The following NEGR1 variants were observed in gnomAD, a reference collection of about 807,000 sequenced individuals.
NEGR1 encodes the protein neuronal growth regulator 1, also known as IgLON family member 4.
A neutral mutation model predicts 40.9 loss-of-function variants in NEGR1; 10 were observed. The ratio of observed to expected loss-of-function variants is 0.24; its 90% CI spans 0.15 to 0.42. NEGR1 has a LOEUF of 0.42. Among genes scored for constraint, NEGR1 ranks in the 10% least tolerant of loss-of-function variants. NEGR1 has a pLI of 1.00. For missense variants in NEGR1, 352 were observed against 438.9 expected, an observed-to-expected ratio of 0.80 and a Z score of 1.77; for synonymous variants, 185 against 166.8, an observed-to-expected ratio of 1.11 and a Z score of -0.84.
intron 2 of NEGR1, among the ~76,000 whole-genome samples, chr1:71,873,170 G>C (rs1439288497): frequency 1.4e-5 from 2 of 140,408 alleles, no homozygotes; most frequent in Non-Finnish European, 3.1e-5. Context: ...GTTTTTGTTT[G>C]ATTCTAATAG....
intron 2 of NEGR1, among the ~76,000 whole-genome samples, chr1:71,910,446 C>A (rs1216445003): frequency 6.6e-6 from 1 of 152,160 alleles, no homozygotes; most frequent in Non-Finnish European, 1.5e-5. Flanking sequence ...AGCAAACTAA[C>A]CCTGATTGAT....
At chr1:72,199,669 A>T (rs549306497) in intron 1 of NEGR1, among the ~76,000 whole-genome samples, 8 of 152,122 alleles carry the variant, frequency 5.3e-5, no homozygotes, top group Admixed American at 3.3e-4. Context: ...AATCTATGAA[A>T]TTGCAATATG....
chr1:71,567,132 G>A (rs964008914), intron 6 of NEGR1, among the ~76,000 whole-genome samples: 4 of 152,146 alleles, frequency 2.6e-5, no homozygotes, highest in African/African-American at 7.2e-5. Context: ...ACTGACAGAA[G>A]AGAATACATC....
At chr1:72,203,361 T>C (rs1319693133) in intron 1 of NEGR1, among the ~76,000 whole-genome samples, 1 of 152,036 alleles carries the variant, frequency 6.6e-6, no homozygotes, top group African/African-American at 2.4e-5. Flanking sequence ...AAATCTCCAC[T>C]GGAGGAAGTA....
intron 4 of NEGR1, among the ~76,000 whole-genome samples, chr1:71,680,201 A>G (rs567058084): frequency 6.6e-6 from 1 of 152,178 alleles, no homozygotes; most frequent in African/African-American, 2.4e-5. Flanking sequence ...AATTTTAACA[A>G]TCCATTAACA....
intron 3 of NEGR1, among the ~76,000 whole-genome samples, chr1:71,729,028 C>G (rs1358119401): frequency 1.3e-5 from 2 of 152,022 alleles, no homozygotes; most frequent in Non-Finnish European, 2.9e-5. Context: ...CGGCTTAAAA[C>G]TTTTTTGTGA....
intron 1 of NEGR1, among the ~76,000 whole-genome samples, chr1:72,031,430 T>A: frequency 6.6e-6 from 1 of 152,170 alleles, no homozygotes; most frequent in East Asian, 1.9e-4. Flanking sequence ...GGACATTTTG[T>A]TTGAAAATTA....
intron 4 of NEGR1, among the ~76,000 whole-genome samples, chr1:71,611,993 C>T (rs530311191): frequency 4.6e-5 from 7 of 152,280 alleles, no homozygotes; most frequent in African/African-American, 7.2e-5. Context: ...GAGGCCGAGG[C>T]GGGTGGCCCA....
chr1:71,904,037 T>C (rs1661212193), intron 2 of NEGR1, among the ~76,000 whole-genome samples: 1 of 151,970 alleles, frequency 6.6e-6, no homozygotes, highest in Non-Finnish European at 1.5e-5. Flanking sequence ...GAGGACTCCA[T>C]GTAATCACTC....
intron 2 of NEGR1, among the ~76,000 whole-genome samples, chr1:71,899,061 G>C (rs1401006012): frequency 2.2e-5 from 3 of 136,704 alleles, no homozygotes; most frequent in Non-Finnish European, 4.6e-5. Flanking sequence ...TGTATGCCTA[G>C]GACTTCCATG....
At position 71,734,366 on chromosome 1, in the gene NEGR1, GA is replaced by G. The variant is rs536249923; in HGVS notation, c.536-36228del. ...AGCAAGCTTCAGTCTCCTTATCTGT[GA>G]AATGGATATAAGAATACTTACATTG... On this transcript the variant is annotated intron_variant, in intron 3 of 6. Transcript: ENST00000357731. Among the ~76,000 whole-genome samples the G allele has an allele frequency of 2.6e-4, 39 of 152,260 alleles. No homozygotes were observed. The South Asian group carries it at 7.9e-3, about 31-fold the overall frequency.
chr1:71,793,133 T>C (rs1372389657), intron 2 of NEGR1, among the ~76,000 whole-genome samples: 3 of 145,756 alleles, frequency 2.1e-5, no homozygotes, highest in African/African-American at 5.1e-5. Context: ...AGAATAGAAC[T>C]AGTCTCTAGA....
intron 1 of NEGR1, among the ~76,000 whole-genome samples, chr1:71,987,799 G>C (rs1304245050): frequency 6.6e-6 from 1 of 152,058 alleles, no homozygotes; most frequent in African/African-American, 2.4e-5. Flanking sequence ...TATAAAATCT[G>C]CTTTATCAAA....
In NEGR1 at chr1:72,166,994, G is replaced by T. The variant is rs1467143714; in HGVS notation, c.176+115325C>A. Among the ~76,000 whole-genome samples, 3 of 151,974 alleles carry T rather than the reference G, an allele frequency of 2.0e-5. No homozygotes were observed. In the South Asian group the frequency reaches 6.2e-4, roughly 32 times the overall value. ...TGAATTAATCTTTATGGCCAGTAGT[G>T]GTCAAGTGAAATGATTTGCCTAGCC... On this transcript the variant is annotated intron_variant, in intron 1 of 6. Transcript: ENST00000357731.
At chr1:71,610,286 C>T (rs182821768) in intron 5 of NEGR1, among the ~76,000 whole-genome samples, 80 of 152,234 alleles carry the variant, frequency 5.3e-4, no homozygotes, top group Non-Finnish European at 7.2e-4. Context: ...CTAGTTTTGA[C>T]GCAGACTCTA....
At chr1:71,457,884 A>C (rs1468719671) in intron 6 of NEGR1, among the ~76,000 whole-genome samples, 1 of 151,952 alleles carries the variant, frequency 6.6e-6, no homozygotes, top group South Asian at 2.1e-4. Flanking sequence ...TTGTATTTTT[A>C]GTAGAGACGG....
At chr1:72,104,100 G>A (rs1297314983) in intron 1 of NEGR1, among the ~76,000 whole-genome samples, 2 of 151,792 alleles carry the variant, frequency 1.3e-5, no homozygotes, top group Non-Finnish European at 2.9e-5. Context: ...TTTCCATGGA[G>A]AACATAAAGT....
chr1:71,639,552 A>G (rs1289227471), intron 4 of NEGR1, among the ~76,000 whole-genome samples: 1 of 152,094 alleles, frequency 6.6e-6, no homozygotes, highest in Admixed American at 6.6e-5. Flanking sequence ...GCACCTCTGC[A>G]CATGTTTGTA....
chr1:71,667,158 CA>C (rs1339600664), intron 4 of NEGR1, among the ~76,000 whole-genome samples: 1 of 152,072 alleles, frequency 6.6e-6, no homozygotes, highest in African/African-American at 2.4e-5. Flanking sequence ...AGAATTTTAG[CA>C]AATGCAAAAA....
Sources: gnomAD v4.1 joint callset for allele counts (sites outside exome capture counted in the v4.1 genomes callset) on GRCh38, gnomAD v4.1.1 for gene constraint, MANE v1.5 for transcripts, NCBI Gene and HGNC (gene_info 2026-07-23, HGNC 2026-07-21) for gene names.